The following RAI1 variants were observed in gnomAD, a reference collection of about 807,000 sequenced individuals.
The protein encoded by RAI1 is retinoic acid induced 1, also known as retinoic acid-induced protein 1.
A neutral mutation model predicts 123.8 loss-of-function variants in RAI1; 9 were observed. That is an observed-to-expected ratio of 0.07 (90% CI 0.04 to 0.13). RAI1 has a LOEUF of 0.13. Ranked by LOEUF, RAI1 falls within the 10% of genes least tolerant of loss-of-function variation. RAI1 has a pLI of 1.00. For synonymous variants in RAI1, 1,231 were observed against 1,127.3 expected, an observed-to-expected ratio of 1.09 and a Z score of -1.84; for missense variants, 2,256 against 2,545.8, an observed-to-expected ratio of 0.89 and a Z score of 2.45.
chr17:17,706,022 CAAAAAAAA>C lies in RAI1; in HGVS notation c.-148-17988_-148-17981del, dbSNP rs1197967787. Among the ~76,000 whole-genome samples, 7 of 37,386 alleles carry C rather than the reference CAAAAAAAA, an allele frequency of 1.9e-4. No individual in the cohort carries two copies. The East Asian group carries it at 2.5e-3, about 13-fold the overall frequency. 24.5% of individuals were successfully genotyped at this position (37,386 alleles called of 152,430 possible). On this transcript the variant is annotated intron_variant, in intron 1 of 5. Coordinates refer to ENST00000353383, the MANE Select transcript of RAI1 (RefSeq NM_030665.4). ...CTGGCAACAGAGCGAGACTCTGTCT[CAAAAAAAA>C]AAAAAAAAAAAAAAAAAGGCAACAA...
At position 17,797,178 on chromosome 17, in the gene RAI1, C is replaced by T. The variant is rs1235812183; in HGVS notation, c.4230C>T (p.Gly1410=). 7 of 1,613,940 alleles carry T rather than the reference C, an allele frequency of 4.3e-6. No individual in the cohort carries two copies. Among genetic ancestry groups the T allele is most frequent in the Non-Finnish European group, 5.9e-6 (7 of 1,180,018 alleles). Residue 1410 remains glycine, a synonymous_variant, in exon 3 of 6, where the codon GGC becomes GGT. Coordinates refer to ENST00000353383, the MANE Select transcript of RAI1 (RefSeq NM_030665.4). ...ATCCAACCAACAGATCCTTAAAAGG[C>T]AAACTCATGAACAGTAAGAAACTGT... ...CRNPTNRSLK[G]KLMNSKKLSS...
chr17:17,805,168 G>A (rs1020276450), intron 4 of RAI1, among the ~76,000 whole-genome samples: 19 of 152,140 alleles, frequency 1.2e-4, no homozygotes, highest in Non-Finnish European at 4.4e-5. Flanking sequence ...GCCCCTAGTA[G>A]CGTTTTTAAT....
intron 1 of RAI1, among the ~76,000 whole-genome samples, chr17:17,687,289 G>T (rs1914674470): frequency 6.6e-6 from 1 of 152,128 alleles, no homozygotes; most frequent in Non-Finnish European, 1.5e-5. Flanking sequence ...GCACTATGGT[G>T]GGGAGCCAGG....
chr17:17,737,966 G>A (rs575898956), intron 2 of RAI1, among the ~76,000 whole-genome samples: 2 of 152,228 alleles, frequency 1.3e-5, no homozygotes, highest in East Asian at 1.9e-4. Flanking sequence ...GGGGGGAGGG[G>A]GCGCCCCCCA....
At chr17:17,740,677 C>T (rs1479864930) in intron 2 of RAI1, among the ~76,000 whole-genome samples, 2 of 152,144 alleles carry the variant, frequency 1.3e-5, no homozygotes, top group Non-Finnish European at 2.9e-5. Context: ...GCTGCACCTC[C>T]CTGGACTTCA....
chr17:17,782,152 G>A (rs1226523598), intron 2 of RAI1: 1 of 151,408 alleles, frequency 6.6e-6, no homozygotes, highest in Non-Finnish European at 1.5e-5. Context: ...GCCGTGCGAT[G>A]CCCGCGCAGG....
chr17:17,690,022 C>T (rs1914783026), intron 1 of RAI1, among the ~76,000 whole-genome samples: 1 of 151,952 alleles, frequency 6.6e-6, no homozygotes, highest in Non-Finnish European at 1.5e-5. Flanking sequence ...CTGGGGAGGT[C>T]CTGTGAGGCC....
chr17:17,715,686 C>T (rs1278755252), intron 1 of RAI1, among the ~76,000 whole-genome samples: 1 of 152,204 alleles, frequency 6.6e-6, no homozygotes, highest in Non-Finnish European at 1.5e-5. Flanking sequence ...AGTTTCTTCT[C>T]CATCCTTCCA....
At position 17,794,030 on chromosome 17, in the gene RAI1, C is replaced by T. The variant is rs1416345758; in HGVS notation, c.1082C>T (p.Ser361Leu). The change falls in exon 3 of 6, where the codon TCG becomes TTG. Residue 361 changes from serine (S) to leucine (L), a missense_variant. Ser to Leu is a moderately radical substitution (Grantham distance 145). Around this residue, in one of 7 missense-constraint regions of RAI1, gnomAD observed 357 missense variants for 480.2 expected, o/e 0.74. Coordinates refer to ENST00000353383, the MANE Select transcript of RAI1 (RefSeq NM_030665.4). ...TCACCTTCCTACAGTTCCACACCGT[C>T]GCCGCTGATGCCAAACCTGGAGAAC... is the stretch of plus-strand genomic sequence containing the variant. ...GRSPSYSSTP[S>L]PLMPNLENFP... 9.3e-6 allele frequency: 15 copies of T among 1,614,004 alleles called. No homozygotes were observed. The highest frequency in any genetic ancestry group is 4.5e-5 in the East Asian group (2 of 44,872).
chr17:17,794,605 G>A lies in RAI1; in HGVS notation c.1657G>A (p.Val553Met), dbSNP rs141405950. The part of the protein sequence containing the change: ...NSNSKAKPES[V>M]STCSVTSPDD... Reference sequence around the variant, plus strand: ...CAACTCGAAGGCCAAGCCCGAGTCCGTGTCCACCTGTTCTGTGACCTCTCC... The same window carrying A: ...CAACTCGAAGGCCAAGCCCGAGTCCATGTCCACCTGTTCTGTGACCTCTCC... Residue 553 changes from valine to methionine, a missense_variant, in exon 3 of 6, where the codon GTG becomes ATG. Val to Met is a conservative substitution (Grantham distance 21). This residue lies in a region of RAI1 where 357 missense variants were observed against 480.2 expected (regional missense o/e 0.74). Coordinates refer to ENST00000353383, the MANE Select transcript of RAI1 (RefSeq NM_030665.4). 57 of 1,613,078 alleles carry A rather than the reference G, an allele frequency of 3.5e-5. No individual in the cohort carries two copies. Among genetic ancestry groups the A allele is most frequent in the Non-Finnish European group, 4.2e-5 (50 of 1,180,052 alleles).
chr17:17,809,909 G>A lies in RAI1; in HGVS notation c.5710-61G>A. ...TAGGCGGGGGGCCCACACTGGGGGC[G>A]GGGCCTATGGACTGTGAAGTCCGAG... On this transcript the variant is annotated intron_variant, in intron 5 of 5. Transcript: ENST00000353383. The surrounding 1 kb of genome is among the most constrained non-coding windows in gnomAD (Gnocchi z 4.9). 4 of 1,551,368 alleles carry A rather than the reference G, an allele frequency of 2.6e-6. No individual in the cohort carries two copies. In the Admixed American group the frequency reaches 5.8e-5, roughly 23 times the overall value.
rs775499267 is a variant in RAI1, at chr17:17,793,534, G to A, written c.586G>A (p.Asp196Asn). 3.0e-5 allele frequency: 49 copies of A among 1,613,856 alleles called. No homozygotes were observed. The Admixed American group carries it at 4.2e-4, about 14-fold the overall frequency. ...GCTCCAAAGGCAGAAGCTGCAGAAC[G>A]ACATTGCCTCCCCTCTGCCCTTCCC... The part of the protein sequence containing the change: ...PKLQRQKLQN[D>N]IASPLPFPQG... Residue 196 changes from aspartate to asparagine, a missense_variant, in exon 3 of 6, where the codon GAC (aspartate) becomes AAC (asparagine). Around this residue, in one of 7 missense-constraint regions of RAI1, gnomAD observed 336 missense variants for 349.8 expected, o/e 0.96. Transcript: ENST00000353383.
At chr17:17,681,922 G>A in intron 1 of RAI1, 129 bp downstream of exon 1, 1 of 228,220 alleles carries the variant, frequency 4.4e-6, no homozygotes, top group Non-Finnish European at 8.5e-6. Flanking sequence ...GCGCGCGCTG[G>A]GTGGAGATGT....
rs150025870 is a variant in RAI1, at chr17:17,750,526, A to G, written c.-17+26367A>G. Among the ~76,000 whole-genome samples, 1,033 of 152,182 alleles carry G rather than the reference A, an allele frequency of 6.8e-3. 9 individuals carry two copies. Among genetic ancestry groups the G allele is most frequent in the African/African-American group, 0.024 (978 of 41,504 alleles). ...CACCTGAGGTCGAGAGTTTGAGACCAGCCTAACCAACATGGAGAAACCTTG... is the reference window on the plus strand; with the variant it reads ...CACCTGAGGTCGAGAGTTTGAGACCGGCCTAACCAACATGGAGAAACCTTG... On this transcript the variant is annotated intron_variant, in intron 2 of 5. Transcript: ENST00000353383.
At chr17:17,744,232 G>A (rs943217860) in intron 2 of RAI1, among the ~76,000 whole-genome samples, 5 of 152,112 alleles carry the variant, frequency 3.3e-5, no homozygotes, top group African/African-American at 1.2e-4. Flanking sequence ...GGTAGCATGG[G>A]GTTCGGGTTC....
intron 2 of RAI1, among the ~76,000 whole-genome samples, chr17:17,728,341 C>T (rs1916160484): frequency 6.6e-6 from 1 of 152,108 alleles, no homozygotes. Context: ...TCTTAAAAGA[C>T]CGTCTTCCCT....
Position 17,793,755 on chromosome 17 carries a change from C to T in RAI1, c.807C>T (p.Tyr269=). 1 of 1,612,208 alleles carries T rather than the reference C, an allele frequency of 6.2e-7. No homozygotes were observed. Among genetic ancestry groups the T allele is most frequent in the Non-Finnish European group, 8.5e-7 (1 of 1,179,954 alleles). ...AGCGGGTCCAGAATCTTCATGCCTA[C>T]CAGTCGGGCCGCCTCAGCTATGACC... is the stretch of plus-strand genomic sequence containing the variant. ...PGQRVQNLHA[Y]QSGRLSYDQQ... The change falls in exon 3 of 6, where the codon TAC becomes TAT. Residue 269 remains tyrosine, a synonymous_variant. Transcript: ENST00000353383.
At chr17:17,727,863 G>A (rs910559902) in intron 2 of RAI1, among the ~76,000 whole-genome samples, 1 of 152,130 alleles carries the variant, frequency 6.6e-6, no homozygotes, top group Non-Finnish European at 1.5e-5. Context: ...CGGGGAGAAG[G>A]GAAGGAGAGA....
At chr17:17,737,746 G>A (rs945343581) in intron 2 of RAI1, among the ~76,000 whole-genome samples, 5 of 152,188 alleles carry the variant, frequency 3.3e-5, no homozygotes, top group African/African-American at 9.7e-5. Flanking sequence ...ACATGGGCAA[G>A]GGTCCAGGGC....
Sources: allele counts gnomAD v4.1 joint callset (sites outside exome capture counted in the v4.1 genomes callset), GRCh38; gene constraint gnomAD v4.1.1; regional missense constraint gnomAD v4.1.1; non-coding constraint Gnocchi (gnomAD v3.1); transcripts MANE v1.5; gene names NCBI Gene and HGNC (gene_info 2026-07-23, HGNC 2026-07-21).